Variants in GPHN observed in about 807,000 individuals in gnomAD.
The protein encoded by GPHN is gephyrin.
Under a neutral mutation model 95.5 loss-of-function variants are expected in GPHN, and 17 were observed. That is an observed-to-expected ratio of 0.18 (90% CI 0.12 to 0.27). GPHN has a LOEUF of 0.27. GPHN is among the 10% of genes least tolerant of loss of function. The probability of loss-of-function intolerance (pLI) is 1.00; values close to 1 mark genes in which losing one functional copy is unlikely to be tolerated. For synonymous variants in GPHN, 320 were observed against 322.5 expected, an observed-to-expected ratio of 0.99 and a Z score of 0.08; for missense variants, 660 against 978.1, an observed-to-expected ratio of 0.67 and a Z score of 4.34.
At chr14:66,810,196 T>G (rs1418821960) in intron 3 of GPHN, among the ~76,000 whole-genome samples, 1 of 151,946 alleles carries the variant, frequency 6.6e-6, no homozygotes, top group Non-Finnish European at 1.5e-5. Context: ...ACATGTAATT[T>G]ATATAGACAT....
chr14:67,703,282 A>C, the GPHN span, among the ~76,000 whole-genome samples: 1 of 152,220 alleles, frequency 6.6e-6, no homozygotes, highest in Non-Finnish European at 1.5e-5. Context: ...GAAGGCTGTG[A>C]GCCAAAATTT....
At chr14:67,337,458 A>G in the GPHN span, 1 of 151,938 alleles carries the variant, frequency 6.6e-6, no homozygotes, top group African/African-American at 2.4e-5. Context: ...GTTGCAGTGA[A>G]CTGATGTTGC....
the GPHN span, among the ~76,000 whole-genome samples, chr14:67,572,540 C>G: frequency 2.0e-5 from 3 of 152,170 alleles, no homozygotes; most frequent in African/African-American, 7.2e-5. Context: ...GCCCACCAGG[C>G]CCCATGAAGA....
chr14:67,103,043 G>GT (rs1176769607), intron 13 of GPHN, among the ~76,000 whole-genome samples: 1 of 151,996 alleles, frequency 6.6e-6, no homozygotes, highest in Non-Finnish European at 1.5e-5. Flanking sequence ...GTTTGTTTGG[G>GT]TTTTTTTGAG....
the GPHN span, chr14:67,198,058 A>G: frequency 7.7e-6 from 11 of 1,429,390 alleles, no homozygotes; most frequent in Non-Finnish European, 1.0e-5. Context: ...AATTTGCTGA[A>G]TTAATAAATA....
the GPHN span, chr14:67,578,084 T>A: frequency 6.2e-7 from 1 of 1,613,914 alleles, no homozygotes; most frequent in Non-Finnish European, 8.5e-7. The surrounding 1 kb of genome is among the most constrained non-coding windows in gnomAD (Gnocchi z 5.0). Flanking sequence ...CATGTGTCCC[T>A]GGCCCAGACC....
intron 3 of GPHN, among the ~76,000 whole-genome samples, chr14:66,802,740 G>T (rs1372235351): frequency 2.0e-5 from 3 of 152,142 alleles, no homozygotes; most frequent in Non-Finnish European, 4.4e-5. Flanking sequence ...GGTGTATCTA[G>T]AAGTGTCCAG....
intron 1 of GPHN, among the ~76,000 whole-genome samples, chr14:66,526,490 G>T (rs905122682): frequency 6.6e-6 from 1 of 152,118 alleles, no homozygotes; most frequent in Admixed American, 6.5e-5. Flanking sequence ...TTGCCTGATT[G>T]CCCTGGCCAG....
intron 2 of GPHN, among the ~76,000 whole-genome samples, chr14:66,699,516 C>T (rs1485853498): frequency 6.6e-6 from 1 of 151,980 alleles, no homozygotes; most frequent in Non-Finnish European, 1.5e-5. Flanking sequence ...TTCATTATGT[C>T]TTTGTGAGTA....
At chr14:66,778,042 T>G (rs540103626) in intron 3 of GPHN, among the ~76,000 whole-genome samples, 15 of 152,258 alleles carry the variant, frequency 9.9e-5, no homozygotes, top group Admixed American at 8.5e-4. Context: ...TTGTCCCTGT[T>G]TGCAGACGAC....
At chr14:67,204,456 A>T in the GPHN span, 8 of 1,361,262 alleles carry the variant, frequency 5.9e-6, no homozygotes, top group Admixed American at 3.1e-5. Flanking sequence ...CAAACAAACA[A>T]ATATATATAT....
At chr14:67,578,722 T>C in the GPHN span, 1 of 839,188 alleles carries the variant, frequency 1.2e-6, no homozygotes, top group Non-Finnish European at 2.0e-6. The surrounding 1 kb of genome is among the most constrained non-coding windows in gnomAD (Gnocchi z 5.0). Context: ...GCAGACCAGA[T>C]CACTCCTGTC....
chr14:66,558,359 A>C (rs2060090784), intron 1 of GPHN, among the ~76,000 whole-genome samples: 1 of 152,194 alleles, frequency 6.6e-6, no homozygotes, highest in South Asian at 2.1e-4. Flanking sequence ...TGAGGAAAAT[A>C]CATAGAGAAG....
intron 2 of GPHN, among the ~76,000 whole-genome samples, chr14:66,733,872 T>C (rs373929392): frequency 1.4e-4 from 21 of 152,328 alleles, no homozygotes; most frequent in African/African-American, 4.6e-4. Context: ...CCAAAGATAT[T>C]GTAGCTGAAT....
the GPHN span, chr14:67,705,860 T>C: frequency 3.3e-5 from 5 of 152,182 alleles, no homozygotes; most frequent in Non-Finnish European, 7.3e-5. Flanking sequence ...ATTTACAAAA[T>C]AATTTTTATA....
the GPHN span, chr14:67,568,959 A>C: frequency 1.7e-6 from 1 of 584,924 alleles, no homozygotes; most frequent in East Asian, 2.9e-5. Flanking sequence ...TATTACCTCC[A>C]TTTAGAGCAG....
intron 17 of GPHN, among the ~76,000 whole-genome samples, chr14:67,135,849 GTCT>G (rs1192100815): frequency 1.3e-5 from 2 of 151,724 alleles, no homozygotes; most frequent in South Asian, 2.1e-4. Context: ...CTCTTGCTCT[GTCT>G]TCTTATTATT....
rs1327032376 is a variant in GPHN at position 66,545,356 on chromosome 14, C to T, written c.64+36765C>T. ...GGGGCTGACCCCCCCACCTCCCTCC[C>T]GGACGGGGCGACTGGCCAGGCGGGG... On this transcript the variant is annotated intron_variant, in intron 1 of 22. Transcript: ENST00000478722. Among the ~76,000 whole-genome samples, 46 of 144,996 alleles carry T rather than the reference C, an allele frequency of 3.2e-4. 2 individuals are homozygous for T. The highest frequency in any genetic ancestry group is 8.8e-4 in the African/African-American group (34 of 38,734).
intron 5 of GPHN, among the ~76,000 whole-genome samples, chr14:66,886,752 A>C (rs1197717944): frequency 6.6e-6 from 1 of 152,152 alleles, no homozygotes; most frequent in Non-Finnish European, 1.5e-5. Context: ...GAACAACATT[A>C]AGCAGACCAG....
Sources: gnomAD v4.1 joint callset for allele counts (sites outside exome capture counted in the v4.1 genomes callset) on GRCh38, gnomAD v4.1.1 for gene constraint, Gnocchi (gnomAD v3.1) non-coding constraint, MANE v1.5 for transcripts, NCBI Gene and HGNC (gene_info 2026-07-23, HGNC 2026-07-21) for gene names.